MIPEP: variants seen among roughly 807,000 people sequenced by gnomAD.
MIPEP encodes mitochondrial intermediate peptidase.
A neutral mutation model predicts 90.3 loss-of-function variants in MIPEP; 79 were observed. The observed-to-expected ratio is 0.87, with a 90% CI of 0.73 to 1.05. The LOEUF (loss-of-function observed/expected upper bound fraction) is 1.05. Among genes scored for constraint, MIPEP ranks in the 50% least tolerant of loss-of-function variants. The pLI, the probability that MIPEP is intolerant of heterozygous loss-of-function variation, is 0.00. For synonymous variants in MIPEP, 334 were observed against 315.8 expected, an observed-to-expected ratio of 1.06 and a Z score of -0.61; for missense variants, 940 against 905.6, an observed-to-expected ratio of 1.04 and a Z score of -0.49.
At chr13:23,841,963 CATTT>C (rs1869316997) in intron 10 of MIPEP, among the ~76,000 whole-genome samples, 1 of 152,022 alleles carries the variant, frequency 6.6e-6, no homozygotes, top group African/African-American at 2.4e-5. Flanking sequence ...GTAAAATATT[CATTT>C]ATGAAAAAAA....
chr13:23,768,639 G>T (rs1346729001), intron 16 of MIPEP, among the ~76,000 whole-genome samples: 1 of 152,166 alleles, frequency 6.6e-6, no homozygotes. Context: ...GGAGGCTGAG[G>T]TAAGAAGGAT....
chr13:23,857,690 A>T (rs1001707963), intron 10 of MIPEP, among the ~76,000 whole-genome samples: 1 of 152,254 alleles, frequency 6.6e-6, no homozygotes, highest in Non-Finnish European at 1.5e-5. Context: ...ACAGTGATAG[A>T]TGGAGACCAA....
intron 5 of MIPEP, 97 bp from the exon 6 acceptor site, chr13:23,870,292 A>G: frequency 6.1e-6 from 4 of 659,586 alleles, no homozygotes; most frequent in Non-Finnish European, 4.5e-6. Context: ...CAACATATAT[A>G]TTGTTGAATT....
At chr13:23,804,845 T>C (rs562880303) in intron 16 of MIPEP, among the ~76,000 whole-genome samples, 3 of 152,332 alleles carry the variant, frequency 2.0e-5, no homozygotes, top group Admixed American at 6.5e-5. Context: ...TTGACATTTA[T>C]TCTGCTTTTT....
intron 7 of MIPEP, among the ~76,000 whole-genome samples, chr13:23,865,571 T>C (rs1269977008): frequency 6.6e-6 from 1 of 152,238 alleles, no homozygotes; most frequent in African/African-American, 2.4e-5. Flanking sequence ...AATGAATCCC[T>C]ATGTATGCTT....
At chr13:23,824,230 A>G (rs1953341217) in intron 14 of MIPEP, among the ~76,000 whole-genome samples, 1 of 152,334 alleles carries the variant, frequency 6.6e-6, no homozygotes, top group East Asian at 1.9e-4. Flanking sequence ...ACATTTCACA[A>G]TCTCACTAGT....
Position 23,841,620 on chromosome 13 carries a change from A to G in MIPEP, c.1107-132T>C. The G allele has an allele frequency of 6.0e-6, 6 of 1,004,758 alleles. No homozygotes were observed. In the South Asian group the frequency reaches 9.3e-5, roughly 16 times the overall value. The allele number at this position is 1,004,758 out of a possible 1,614,324, so 62.2% of individuals were successfully genotyped here. On this transcript the variant is annotated intron_variant, in intron 10 of 18. Coordinates refer to ENST00000382172, the MANE Select transcript of MIPEP (RefSeq NM_005932.4). ...GGATTCAAAACATAAAAGTGTATTT[A>G]TATCATTTGAGGGGTTTTCAGACAG...
chr13:23,769,572 G>A (rs1952628232), intron 16 of MIPEP, among the ~76,000 whole-genome samples: 1 of 152,214 alleles, frequency 6.6e-6, no homozygotes, highest in Non-Finnish European at 1.5e-5. Flanking sequence ...AAGCAGGTGT[G>A]TGGGGGGAGG....
At chr13:23,767,016 T>C (rs1372181567) in intron 16 of MIPEP, among the ~76,000 whole-genome samples, 1 of 152,188 alleles carries the variant, frequency 6.6e-6, no homozygotes, top group Non-Finnish European at 1.5e-5. Context: ...GTCAGAGGTC[T>C]GGGGGAGGAC....
At chr13:23,804,688 C>T (rs1294502321) in intron 16 of MIPEP, among the ~76,000 whole-genome samples, 1 of 152,166 alleles carries the variant, frequency 6.6e-6, no homozygotes, top group Admixed American at 6.5e-5. Context: ...TATCCTGTTG[C>T]TTCACTTGTC....
intron 4 of MIPEP, among the ~76,000 whole-genome samples, chr13:23,875,340 G>A (rs1044161450): frequency 6.6e-6 from 1 of 151,856 alleles, no homozygotes; most frequent in African/African-American, 2.4e-5. Context: ...ACATAAAACA[G>A]TTTTATATTT....
At chr13:23,761,624 C>T (rs765054077) in intron 16 of MIPEP, among the ~76,000 whole-genome samples, 4 of 152,228 alleles carry the variant, frequency 2.6e-5, no homozygotes, top group Non-Finnish European at 4.4e-5. Flanking sequence ...TCCAATTCAT[C>T]AGCAGGTGCA....
At chr13:23,829,437 A>T (rs911471017) in intron 14 of MIPEP, among the ~76,000 whole-genome samples, 1 of 152,126 alleles carries the variant, frequency 6.6e-6, no homozygotes, top group Non-Finnish European at 1.5e-5. Context: ...AAAGAAAAAA[A>T]ATATAAAAAC....
chr13:23,807,668 T>C (rs1386036088), intron 15 of MIPEP, among the ~76,000 whole-genome samples: 3 of 152,178 alleles, frequency 2.0e-5, no homozygotes, highest in Admixed American at 1.3e-4. Context: ...ATAAAGATAA[T>C]CAGGGAGGCC....
intron 11 of MIPEP, 82 bp downstream of exon 11, chr13:23,841,253 G>A (rs375260742): frequency 1.5e-6 from 2 of 1,327,826 alleles, no homozygotes. Flanking sequence ...CAAAGTTGAT[G>A]TAAACCTGAA....
chr13:23,826,970 C>T lies in MIPEP; in HGVS notation c.1653+9270G>A, dbSNP rs995195688. On this transcript the variant is annotated intron_variant, in intron 14 of 18. Coordinates refer to ENST00000382172, the MANE Select transcript of MIPEP (RefSeq NM_005932.4). ...TTTTTTCTTGTCATTATTCCCTAAA[C>T]AATACAGCATCTATATAGCGTTTAC... Among the ~76,000 whole-genome samples, 9 of 152,262 alleles carry T rather than the reference C, an allele frequency of 5.9e-5. 1 individual carries two copies. The highest frequency in any genetic ancestry group is 2.2e-4 in the African/African-American group (9 of 41,562).
At chr13:23,772,055 C>T (rs181362895) in intron 16 of MIPEP, among the ~76,000 whole-genome samples, 2 of 152,162 alleles carry the variant, frequency 1.3e-5, no homozygotes, top group African/African-American at 2.4e-5. Context: ...ACTGCCCCCC[C>T]ACTTCCCATG....
At position 23,888,810 on chromosome 13, in the gene MIPEP, G is replaced by A. The variant is rs1235017430; in HGVS notation, c.189+322C>T. Reference sequence around the variant, plus strand: ...AGGGCTTTAGCAGGGGTGCGCCTGAGTGTATGCAGAGGGCGGGTCCTGGCA... The same window carrying A: ...AGGGCTTTAGCAGGGGTGCGCCTGAATGTATGCAGAGGGCGGGTCCTGGCA... On this transcript the variant is annotated intron_variant, in intron 1 of 18. Transcript: ENST00000382172. The A allele has an allele frequency of 5.0e-6, 5 of 1,009,188 alleles. No homozygotes were observed. The East Asian group carries it at 1.5e-4, about 29-fold the overall frequency. The allele number at this position is 1,009,188 out of a possible 1,614,324, so 62.5% of individuals were successfully genotyped here.
chr13:23,837,355 T>G, intron 13 of MIPEP, among the ~76,000 whole-genome samples, 197 bp downstream of exon 13: 1 of 152,166 alleles, frequency 6.6e-6, no homozygotes, highest in Non-Finnish European at 1.5e-5. Context: ...TGGTGAAAGC[T>G]GTTAGCAAGC....
Sources: gnomAD v4.1 joint callset for allele counts (sites outside exome capture counted in the v4.1 genomes callset) on GRCh38, gnomAD v4.1.1 for gene constraint, MANE v1.5 for transcripts, NCBI Gene and HGNC (gene_info 2026-07-23, HGNC 2026-07-21) for gene names.